Variants in IL20RB observed in about 807,000 individuals in gnomAD.
The protein encoded by IL20RB is interleukin-20 receptor subunit beta.
Under a neutral mutation model 33.3 loss-of-function variants are expected in IL20RB, and 21 were observed. The observed-to-expected ratio is 0.63, with a 90% confidence interval of 0.45 to 0.91. The LOEUF (loss-of-function observed/expected upper bound fraction) is 0.91. Ranked by LOEUF, IL20RB falls within the 40% of genes least tolerant of loss-of-function variation. The probability of loss-of-function intolerance (pLI) is 0.00; values close to 1 mark genes in which losing one functional copy is unlikely to be tolerated. For synonymous variants in IL20RB, 147 were observed against 146.8 expected (o/e 1.00, Z -0.01); for missense variants, 345 against 384.8 (o/e 0.90, Z 0.86).
chr3:137,003,581 G>A (rs1468086833), intron 6 of IL20RB, among the ~76,000 whole-genome samples: 1 of 152,126 alleles, frequency 6.6e-6, no homozygotes, highest in African/African-American at 2.4e-5. Context: ...TGTTAACGGT[G>A]TATAGGAATG....
chr3:137,007,043 A>G (rs768091088), intron 6 of IL20RB, among the ~76,000 whole-genome samples: 3 of 152,162 alleles, frequency 2.0e-5, no homozygotes, highest in Non-Finnish European at 4.4e-5. Flanking sequence ...CTGCAGGTCT[A>G]TTGGAGTTTG....
intron 1 of IL20RB, among the ~76,000 whole-genome samples, chr3:136,971,242 C>T (rs572457777): frequency 1.4e-4 from 21 of 151,804 alleles, no homozygotes; most frequent in East Asian, 7.8e-4. Flanking sequence ...GTGATTCTCC[C>T]GCCTCAGCCT....
At chr3:136,999,988 G>A (rs938915412) in intron 6 of IL20RB, among the ~76,000 whole-genome samples, 2 of 152,110 alleles carry the variant, frequency 1.3e-5, no homozygotes, top group African/African-American at 2.4e-5. Flanking sequence ...TCATGTCAAG[G>A]TTGGCCTCTA....
intron 3 of IL20RB, among the ~76,000 whole-genome samples, chr3:136,983,805 G>C (rs1941839199): frequency 6.6e-6 from 1 of 152,176 alleles, no homozygotes; most frequent in Admixed American, 6.5e-5. Context: ...AAAGCTCAAA[G>C]GCAGATACAT....
intron 1 of IL20RB, among the ~76,000 whole-genome samples, chr3:136,973,116 G>A (rs1229411303): frequency 6.6e-6 from 1 of 152,122 alleles, no homozygotes; most frequent in Non-Finnish European, 1.5e-5. Flanking sequence ...ACCAGTTTAA[G>A]TTTTTCTTGG....
At chr3:136,973,208 G>T (rs1008630323) in intron 1 of IL20RB, among the ~76,000 whole-genome samples, 9 of 152,038 alleles carry the variant, frequency 5.9e-5, no homozygotes, top group African/African-American at 2.2e-4. Flanking sequence ...TTGGCTGGGC[G>T]CAGTGTCTCA....
intron 6 of IL20RB, among the ~76,000 whole-genome samples, chr3:137,006,920 C>T (rs1297303317): frequency 4.6e-5 from 7 of 152,316 alleles, no homozygotes; most frequent in East Asian, 3.9e-4. Context: ...ATGTACCTTT[C>T]GTCTTGATGT....
chr3:136,976,030 G>T (rs1316815322), intron 1 of IL20RB, among the ~76,000 whole-genome samples: 1 of 152,212 alleles, frequency 6.6e-6, no homozygotes, highest in Non-Finnish European at 1.5e-5. Flanking sequence ...TATGATGGCA[G>T]TGGGTGTGAC....
chr3:136,983,494 T>G (rs1056999658), intron 3 of IL20RB, among the ~76,000 whole-genome samples: 15 of 152,136 alleles, frequency 9.9e-5, no homozygotes, highest in African/African-American at 3.6e-4. Flanking sequence ...GTTGTAATAC[T>G]CCTACTGATC....
At chr3:137,007,995 T>C (rs1467980239) in intron 6 of IL20RB, among the ~76,000 whole-genome samples, 1 of 152,222 alleles carries the variant, frequency 6.6e-6, no homozygotes, top group Non-Finnish European at 1.5e-5. Flanking sequence ...GCCCAGTATA[T>C]AGTCTCTGTT....
chr3:136,989,962 C>G (rs1162022738), intron 4 of IL20RB, among the ~76,000 whole-genome samples: 1 of 152,084 alleles, frequency 6.6e-6, no homozygotes, highest in Admixed American at 6.6e-5. Context: ...AACGCTGGTA[C>G]AAACCTCCTG....
intron 6 of IL20RB, among the ~76,000 whole-genome samples, chr3:136,999,297 A>C (rs527725722): frequency 6.6e-6 from 1 of 152,044 alleles, no homozygotes; most frequent in African/African-American, 2.4e-5. Flanking sequence ...GGGTCTTGCT[A>C]TGTTGTCCAG....
intron 1 of IL20RB, chr3:136,959,638 ATAAG>A (rs1941162614): frequency 1.3e-5 from 2 of 152,256 alleles, no homozygotes; most frequent in Non-Finnish European, 1.5e-5. Flanking sequence ...CGCCCGTCTT[ATAAG>A]TATTTTCTTG....
intron 6 of IL20RB, among the ~76,000 whole-genome samples, chr3:137,009,627 CCTCCCAGG>C (rs2107728456): frequency 6.6e-6 from 1 of 152,180 alleles, no homozygotes; most frequent in Admixed American, 6.5e-5. Flanking sequence ...GCAGCCTTGA[CCTCCCAGG>C]CTCAATTGAT....
intron 6 of IL20RB, among the ~76,000 whole-genome samples, chr3:136,999,557 A>ATTT (rs34743717): frequency 2.8e-5 from 4 of 142,582 alleles, no homozygotes; most frequent in African/African-American, 7.8e-5. Context: ...TTCTTCAGGT[A>ATTT]TTTTTTTTTT....
At chr3:137,009,665 G>A (rs376382807) in intron 6 of IL20RB, among the ~76,000 whole-genome samples, 29 of 152,106 alleles carry the variant, frequency 1.9e-4, no homozygotes, top group Admixed American at 1.2e-3. Flanking sequence ...TCAGCCTCAC[G>A]AGTAGCTGGG....
chr3:136,962,877 A>T (rs1941262021), intron 1 of IL20RB, among the ~76,000 whole-genome samples: 1 of 151,906 alleles, frequency 6.6e-6, no homozygotes, highest in African/African-American at 2.4e-5. Context: ...AAAAAAAAAA[A>T]AAAAAAAAGC....
At chr3:136,980,303 T>G (rs1941737036) in intron 1 of IL20RB, 163 bp from the exon 2 acceptor site, 1 of 670,618 alleles carries the variant, frequency 1.5e-6, no homozygotes, top group South Asian at 1.7e-5. Flanking sequence ...TTTTTTTTTT[T>G]GAGACAGAGT....
chr3:136,986,931 C>T (rs2108204663), intron 3 of IL20RB: 1 of 357,460 alleles, frequency 2.8e-6, no homozygotes, highest in African/African-American at 2.1e-5. Context: ...TGTTACAGCT[C>T]TTAAGGCGGC....
Sources: allele counts gnomAD v4.1 joint callset (sites outside exome capture counted in the v4.1 genomes callset), GRCh38; gene constraint gnomAD v4.1.1; transcripts MANE v1.5; gene names NCBI Gene and HGNC (gene_info 2026-07-23, HGNC 2026-07-21).